ACBD6: variants seen among roughly 807,000 people sequenced by gnomAD.
ACBD6 encodes acyl-CoA binding domain containing 6.
ACBD6 carries 28 observed loss-of-function variants against 37.2 expected under a neutral mutation model. The observed-to-expected ratio is 0.75, with a 90% CI of 0.56 to 1.03. ACBD6 has a LOEUF of 1.03. Among genes scored for constraint, ACBD6 ranks in the 50% least tolerant of loss-of-function variants. The pLI, the probability that ACBD6 is intolerant of heterozygous loss-of-function variation, is 0.00. For missense variants in ACBD6, 340 were observed against 337.4 expected, an observed-to-expected ratio of 1.01 and a Z score of -0.06; for synonymous variants, 113 against 126.8, an observed-to-expected ratio of 0.89 and a Z score of 0.73.
chr1:180,421,051 G>A (rs1020234204), intron 4 of ACBD6, among the ~76,000 whole-genome samples: 1 of 151,938 alleles, frequency 6.6e-6, no homozygotes, highest in South Asian at 2.1e-4. Flanking sequence ...TGTACAGGAT[G>A]TGCAGGTTTG....
At chr1:180,291,842 C>A (rs964623670) in intron 7 of ACBD6, among the ~76,000 whole-genome samples, 3 of 152,000 alleles carry the variant, frequency 2.0e-5, no homozygotes, top group Non-Finnish European at 4.4e-5. Context: ...CTTACCTTCC[C>A]AGTTAATTTT....
intron 6 of ACBD6, among the ~76,000 whole-genome samples, chr1:180,349,548 C>T (rs545819368): frequency 2.0e-5 from 3 of 150,650 alleles, no homozygotes; most frequent in Non-Finnish European, 4.4e-5. Flanking sequence ...AGCCACCGTG[C>T]CCAGCCTTTT....
At chr1:180,428,070 A>C (rs1315796244) in intron 4 of ACBD6, among the ~76,000 whole-genome samples, 1 of 147,538 alleles carries the variant, frequency 6.8e-6, no homozygotes, top group African/African-American at 2.5e-5. Flanking sequence ...TAGTAACAAA[A>C]TTACTGTGTT....
intron 6 of ACBD6, among the ~76,000 whole-genome samples, chr1:180,351,821 A>G (rs1285156665): frequency 6.6e-6 from 1 of 152,208 alleles, no homozygotes; most frequent in Non-Finnish European, 1.5e-5. Context: ...AATTGAAAGC[A>G]GGGACTTGAA....
chr1:180,332,213 T>C (rs967342297), intron 6 of ACBD6, among the ~76,000 whole-genome samples: 3 of 152,142 alleles, frequency 2.0e-5, no homozygotes, highest in Non-Finnish European at 4.4e-5. Flanking sequence ...GTTACAGCTG[T>C]CCTAGGAAAT....
intron 4 of ACBD6, among the ~76,000 whole-genome samples, chr1:180,421,078 G>A (rs1210258224): frequency 6.6e-6 from 1 of 151,966 alleles, no homozygotes; most frequent in Admixed American, 6.6e-5. Context: ...ATGTAAATAG[G>A]TGCCATGGTG....
chr1:180,420,572 T>C (rs970880620), intron 4 of ACBD6, among the ~76,000 whole-genome samples: 2 of 152,178 alleles, frequency 1.3e-5, no homozygotes, highest in African/African-American at 4.8e-5. Flanking sequence ...TAGATTGCAG[T>C]AGATGCCTTC....
At chr1:180,352,967 G>C (rs1054073824) in intron 6 of ACBD6, among the ~76,000 whole-genome samples, 13 of 152,274 alleles carry the variant, frequency 8.5e-5, no homozygotes, top group African/African-American at 3.1e-4. Flanking sequence ...ACGACTTATA[G>C]CAACTTCTCT....
At chr1:180,405,185 GCCTCTTA>G (rs1392732699) in intron 5 of ACBD6, among the ~76,000 whole-genome samples, 1 of 152,036 alleles carries the variant, frequency 6.6e-6, no homozygotes, top group Non-Finnish European at 1.5e-5. Flanking sequence ...TACCGACCCT[GCCTCTTA>G]AATCTTTTGC....
chr1:180,480,978 C>T (rs1463789221), intron 3 of ACBD6, among the ~76,000 whole-genome samples: 2 of 150,672 alleles, frequency 1.3e-5, no homozygotes, highest in East Asian at 1.9e-4. Context: ...CTGCAGTGAG[C>T]GGAGATCGCA....
intron 9 of ACBD6, among the ~76,000 whole-genome samples, chr1:180,279,590 G>A (rs1440868303): frequency 6.6e-6 from 1 of 152,192 alleles, no homozygotes; most frequent in African/African-American, 2.4e-5. Context: ...GAGCCACCAT[G>A]CCCGGCCTGT....
chr1:180,449,589 G>A (rs1256758911), intron 3 of ACBD6, among the ~76,000 whole-genome samples: 1 of 151,820 alleles, frequency 6.6e-6, no homozygotes, highest in Non-Finnish European at 1.5e-5. Context: ...TGTATTTTCA[G>A]TAGCGACAAG....
At chr1:180,465,989 C>T (rs1376645786) in intron 3 of ACBD6, among the ~76,000 whole-genome samples, 1 of 151,708 alleles carries the variant, frequency 6.6e-6, no homozygotes, top group Non-Finnish European at 1.5e-5. Context: ...AAGCAACAGA[C>T]ACTGGAGTCT....
chr1:180,455,137 T>C (rs1455156947), intron 3 of ACBD6, among the ~76,000 whole-genome samples: 3 of 152,154 alleles, frequency 2.0e-5, no homozygotes, highest in East Asian at 3.9e-4. Flanking sequence ...CCATCAGTGA[T>C]AGACTGGATT....
At chr1:180,293,989 G>T (rs1244016157) in intron 7 of ACBD6, among the ~76,000 whole-genome samples, 1 of 152,028 alleles carries the variant, frequency 6.6e-6, no homozygotes, top group Non-Finnish European at 1.5e-5. Context: ...CCGCCTCCCG[G>T]GTTCAAGTGA....
intron 6 of ACBD6, among the ~76,000 whole-genome samples, chr1:180,325,663 A>C (rs1024910580): frequency 6.6e-6 from 1 of 152,054 alleles, no homozygotes; most frequent in Non-Finnish European, 1.5e-5. Context: ...GTTAGAATTT[A>C]TTGTAGTCTT....
chr1:180,478,503 T>C (rs1366142643), intron 3 of ACBD6, among the ~76,000 whole-genome samples: 1 of 152,012 alleles, frequency 6.6e-6, no homozygotes, highest in Non-Finnish European at 1.5e-5. Flanking sequence ...TTTTTTTTTT[T>C]TTTGAGACGG....
intron 13 of ACBD6, chr1:180,272,032 C>G: frequency 6.3e-7 from 1 of 1,599,924 alleles, no homozygotes; most frequent in Non-Finnish European, 8.5e-7. Flanking sequence ...GGGGCCAGGC[C>G]GAGGCCTTAG....
intron 3 of ACBD6, among the ~76,000 whole-genome samples, chr1:180,491,915 T>C (rs1444604382): frequency 6.6e-6 from 1 of 152,196 alleles, no homozygotes; most frequent in African/African-American, 2.4e-5. Flanking sequence ...GTTCAATTGA[T>C]TCCCCTGCCT....
Sources: allele counts gnomAD v4.1 joint callset (sites outside exome capture counted in the v4.1 genomes callset), GRCh38; gene constraint gnomAD v4.1.1; transcripts MANE v1.5; gene names NCBI Gene and HGNC (gene_info 2026-07-23, HGNC 2026-07-21).